LRRC43: variants seen among roughly 807,000 people sequenced by gnomAD.
LRRC43 encodes leucine-rich repeat-containing protein 43.
In LRRC43, 62 loss-of-function variants were observed where a neutral mutation model predicts 64.3. The ratio of observed to expected loss-of-function variants is 0.96; its 90% CI spans 0.79 to 1.19. The LOEUF (loss-of-function observed/expected upper bound fraction) is 1.19, where lower values mean the gene tolerates loss of function less well. LRRC43 is among the 50% of genes most tolerant of loss of function. LRRC43 has a pLI of 0.00. For synonymous variants in LRRC43, 422 were observed against 382.3 expected (o/e 1.10, Z -1.21); for missense variants, 868 against 845.0 (o/e 1.03, Z -0.34).
Position 122,191,476 on chromosome 12 carries a change from G to A in LRRC43, c.998G>A (p.Gly333Asp). The change falls in exon 6 of 12, where the codon GGC (glycine) becomes GAC (aspartate). Residue 333 changes from glycine (G) to aspartate (D), a missense_variant. Coordinates refer to ENST00000339777, the MANE Select transcript of LRRC43 (RefSeq NM_001098519.2). ...TTAGACCCGGAACCCAGGCCCGAAG[G>A]CCCTTTCATCACTTACAACTATTAC... is the stretch of plus-strand genomic sequence containing the variant. ...SVLDPEPRPE[G>D]PFITYNYYVT... 2 of 1,614,050 alleles carry A rather than the reference G, an allele frequency of 1.2e-6. No homozygotes were observed. Among genetic ancestry groups the A allele is most frequent in the Non-Finnish European group, 1.7e-6 (2 of 1,180,012 alleles).
Position 122,190,295 on chromosome 12 carries a change from G to A in LRRC43, c.828G>A (p.Gln276=). The change falls in exon 5 of 12, where the codon CAG becomes CAA. Residue 276 remains glutamine (Q), a synonymous_variant. Transcript: ENST00000339777. ...GCCTCACCATCGACAGCCTGGCCCAGCTCTGCGTGCTGGACGACATCACCG... is the reference window on the plus strand; with the variant it reads ...GCCTCACCATCGACAGCCTGGCCCAACTCTGCGTGCTGGACGACATCACCG... ...YRGLTIDSLA[Q]LCVLDDITVS... The A allele has an allele frequency of 1.2e-6, 2 of 1,614,140 alleles. No homozygotes were observed. The highest frequency in any genetic ancestry group is 1.1e-5 in the South Asian group (1 of 91,068).
chr12:122,169,964 A>G (rs969068732), intron 1 of LRRC43, among the ~76,000 whole-genome samples: 1 of 151,702 alleles, frequency 6.6e-6, no homozygotes, highest in African/African-American at 2.4e-5. Flanking sequence ...GCACCACTAC[A>G]CTTGGCCAGT....
chr12:122,198,333 C>T (rs1374534680), intron 7 of LRRC43, among the ~76,000 whole-genome samples: 2 of 152,006 alleles, frequency 1.3e-5, no homozygotes, highest in African/African-American at 2.4e-5. Flanking sequence ...GCGTATGAGT[C>T]GGTGGTTTTT....
intron 4 of LRRC43, among the ~76,000 whole-genome samples, chr12:122,188,110 T>C (rs376803940): frequency 4.6e-5 from 7 of 152,272 alleles, no homozygotes; most frequent in Admixed American, 1.3e-4. Flanking sequence ...TTTTATCTTA[T>C]TTTTTTATTT....
chr12:122,191,428 G>C lies in LRRC43; in HGVS notation c.950G>C (p.Arg317Thr). 6.2e-7 allele frequency: 1 copy of C among 1,613,990 alleles called. No individual in the cohort carries two copies. Among genetic ancestry groups the C allele is most frequent in the Non-Finnish European group, 8.5e-7 (1 of 1,179,976 alleles). The change falls in exon 6 of 12, where the codon AGA (arginine) becomes ACA (threonine). Residue 317 changes from arginine to threonine, a missense_variant. Transcript: ENST00000339777. Reference protein sequence around the residue: ...AQFVVTIGNIRGVLDTSVLDP... With the variant: ...AQFVVTIGNITGVLDTSVLDP... Reference sequence around the variant, plus strand: ...TTTGTGGTGACCATCGGAAACATCAGAGGAGTCCTGGACACCTCTGTCTTA... The same window carrying C: ...TTTGTGGTGACCATCGGAAACATCACAGGAGTCCTGGACACCTCTGTCTTA...
chr12:122,183,370 G>A, intron 1 of LRRC43, 76 bp downstream of exon 1: 2 of 1,358,290 alleles, frequency 1.5e-6, no homozygotes, highest in Admixed American at 3.9e-5. Context: ...AGCGGAGCGG[G>A]CTGGTCCCTG....
Position 122,187,823 on chromosome 12 carries a change from C to CT in LRRC43, c.645_646insT (p.Val216CysfsTer4). 1 of 1,614,130 alleles carries CT rather than the reference C, an allele frequency of 6.2e-7. No individual in the cohort carries two copies. The highest frequency in any genetic ancestry group is 8.5e-7 in the Non-Finnish European group (1 of 1,180,008). ...TTCTAGGCCCCTTGGAAAGTCTCTA[C>CT]GTCACCGCTAATCACTGGTAACTCG... On this transcript the variant is annotated frameshift_variant, in exon 4 of 12. Transcript: ENST00000339777. LOFTEE classifies it high-confidence loss of function.
Position 122,190,235 on chromosome 12 carries a change from G to C in LRRC43, c.768G>C (p.Gln256His). The change falls in exon 5 of 12, where the codon CAG becomes CAC. Residue 256 changes from glutamine to histidine, a missense_variant. Gln to His is a conservative substitution (Grantham distance 24). Coordinates refer to ENST00000339777, the MANE Select transcript of LRRC43 (RefSeq NM_001098519.2). Reference protein sequence around the residue: ...TLRHLRLLVLQGNPLALVPYY... With the variant: ...TLRHLRLLVLHGNPLALVPYY... ...GGCACCTGCGACTCCTGGTGCTGCA[G>C]GGAAACCCACTGGCCTTGGTGCCCT... is the stretch of plus-strand genomic sequence containing the variant. The C allele has an allele frequency of 6.2e-7, 1 of 1,614,180 alleles. No individual in the cohort carries two copies. The highest frequency in any genetic ancestry group is 8.5e-7 in the Non-Finnish European group (1 of 1,180,040).
Position 122,183,305 on chromosome 12 carries a change from C to A in LRRC43, c.150+11C>A, listed in dbSNP as rs758050585. 201 of 1,488,284 alleles carry A rather than the reference C, an allele frequency of 1.4e-4. No homozygotes were observed. Among genetic ancestry groups the A allele is most frequent in the Non-Finnish European group, 1.7e-4 (188 of 1,132,810 alleles). 92.2% of individuals were successfully genotyped at this position (1,488,284 alleles called of 1,614,324 possible). ...GGTGCCGGCAGCTGGGTGCGGGCGC[C>A]GGGGCCGGAACTCTGGGGGCCTGGA... On this transcript the variant is annotated intron_variant, in intron 1 of 11. Transcript: ENST00000339777.
At chr12:122,194,077 T>C (rs1341042090) in intron 7 of LRRC43, among the ~76,000 whole-genome samples, 2 of 152,172 alleles carry the variant, frequency 1.3e-5, no homozygotes, top group Non-Finnish European at 2.9e-5. Context: ...GTTATGAAGA[T>C]TGTAGAGTAA....
In LRRC43 at chr12:122,184,604, A is replaced by G; in HGVS notation, c.236A>G (p.Glu79Gly). Reference sequence around the variant, plus strand: ...GAGGATGTGGTGAGCCCCGGAGAGGAGACGGTGGAGGCCCTGCTGGGCCTG... The same window carrying G: ...GAGGATGTGGTGAGCCCCGGAGAGGGGACGGTGGAGGCCCTGCTGGGCCTG... ...REEDVVSPGE[E>G]TVEALLGLVR... The change falls in exon 2 of 12, where the codon GAG becomes GGG. Residue 79 changes from glutamate to glycine, a missense_variant. By Grantham distance (98) the Glu-to-Gly change is moderately conservative. Transcript: ENST00000339777. This position sits in a 1 kb window ranked among gnomAD's most constrained non-coding sequence, Gnocchi z 4.0. 6.2e-7 allele frequency: 1 copy of G among 1,613,884 alleles called. No homozygotes were observed. The highest frequency in any genetic ancestry group is 1.1e-5 in the South Asian group (1 of 91,070).
intron 5 of LRRC43, 128 bp from the exon 6 acceptor site, chr12:122,191,252 C>A: frequency 1.4e-6 from 1 of 733,994 alleles, no homozygotes; most frequent in Non-Finnish European, 2.2e-6. Flanking sequence ...TGAACCTGAC[C>A]GCCCCACCAA....
At chr12:122,188,131 G>A (rs1953668283) in intron 4 of LRRC43, among the ~76,000 whole-genome samples, 3 of 152,010 alleles carry the variant, frequency 2.0e-5, no homozygotes, top group Admixed American at 6.6e-5. Flanking sequence ...TTTTGAGACA[G>A]CATCTCGCTT....
Position 122,200,556 on chromosome 12 carries a change from C to T in LRRC43, c.1516C>T (p.Pro506Ser). The change falls in exon 9 of 12, where the codon CCT becomes TCT. Residue 506 changes from proline to serine, a missense_variant. By Grantham distance (74) the Pro-to-Ser change is moderately conservative (BLOSUM62 -1). Transcript: ENST00000339777. This position sits in a 1 kb window ranked among gnomAD's most constrained non-coding sequence, Gnocchi z 4.6. Reference sequence around the variant, plus strand: ...GATTCTCTCCTGGCCTGTGGTGCTACCTGCTGTTGACAGTCCCCTGTCTGC... The same window carrying T: ...GATTCTCTCCTGGCCTGTGGTGCTATCTGCTGTTGACAGTCCCCTGTCTGC... ...EKILSWPVVLPAVDSPLSAKK... is the reference protein window; with the variant it reads ...EKILSWPVVLSAVDSPLSAKK... 6.2e-7 allele frequency: 1 copy of T among 1,611,686 alleles called. No individual in the cohort carries two copies. Among genetic ancestry groups the T allele is most frequent in the Non-Finnish European group, 8.5e-7 (1 of 1,177,896 alleles).
intron 1 of LRRC43, among the ~76,000 whole-genome samples, chr12:122,168,899 G>A (rs577396897): frequency 6.6e-6 from 1 of 152,244 alleles, no homozygotes; most frequent in African/African-American, 2.4e-5. Flanking sequence ...TCATGACCCT[G>A]ACACTTTTGA....
chr12:122,171,806 T>G (rs1196909987), intron 1 of LRRC43, among the ~76,000 whole-genome samples: 2 of 152,120 alleles, frequency 1.3e-5, no homozygotes, highest in Non-Finnish European at 2.9e-5. Flanking sequence ...TGGGCTCAAG[T>G]GATCCTCCTG....
At chr12:122,192,148 G>T (rs139365657) in intron 6 of LRRC43, among the ~76,000 whole-genome samples, 1 of 150,946 alleles carries the variant, frequency 6.6e-6, no homozygotes, top group Admixed American at 6.6e-5. Context: ...TCTTTTTTGT[G>T]TGTGTGTGTG....
chr12:122,190,375 G>T lies in LRRC43; in HGVS notation c.901+7G>T. On this transcript the variant is annotated splice_region_variant and intron_variant, in intron 5 of 11. Coordinates refer to ENST00000339777, the MANE Select transcript of LRRC43 (RefSeq NM_001098519.2). ...GGGCTCAGCCTCAATGGCGGTGAGG[G>T]TACTGGCATGCAGGGAGGGGGTGGC... 1.9e-6 allele frequency: 3 copies of T among 1,606,228 alleles called. No homozygotes were observed. The highest frequency in any genetic ancestry group is 1.7e-5 in the Admixed American group (1 of 59,936).
intron 1 of LRRC43, 30 bp downstream of exon 1, chr12:122,183,324 G>T: frequency 2.1e-6 from 3 of 1,427,376 alleles, no homozygotes; most frequent in Non-Finnish European, 2.7e-6. Context: ...AACTCTGGGG[G>T]CCTGGACCGG....
Sources: allele counts gnomAD v4.1 joint callset (sites outside exome capture counted in the v4.1 genomes callset), GRCh38; gene constraint gnomAD v4.1.1; non-coding constraint Gnocchi (gnomAD v3.1); transcripts MANE v1.5; gene names NCBI Gene and HGNC (gene_info 2026-07-23, HGNC 2026-07-21).